The following HSD17B2 variants were observed in gnomAD, a reference collection of about 807,000 sequenced individuals.
The protein encoded by HSD17B2 is 17-beta-hydroxysteroid dehydrogenase type 2.
In HSD17B2, 32 loss-of-function variants were observed where a neutral mutation model predicts 26.9. The observed-to-expected ratio is 1.19, with a 90% CI of 0.90 to 1.60. The LOEUF is 1.60. Ranked by LOEUF, HSD17B2 falls within the 40% of genes most tolerant of loss-of-function variation. The pLI, the probability that HSD17B2 is intolerant of heterozygous loss-of-function variation, is 0.00. For synonymous variants in HSD17B2, 246 were observed against 186.7 expected (o/e 1.32, Z -2.59); for missense variants, 613 against 468.6 (o/e 1.31, Z -2.85).
chr16:82,091,173 G>C (rs1904683787), intron 4 of HSD17B2, 134 bp downstream of exon 4: 1 of 867,820 alleles, frequency 1.2e-6, no homozygotes, highest in African/African-American at 1.6e-5. Flanking sequence ...AGTTAAAGGG[G>C]TGAAAACAGG....
intron 2 of HSD17B2, among the ~76,000 whole-genome samples, chr16:82,069,931 C>G (rs8191160): frequency 2.6e-5 from 4 of 152,100 alleles, no homozygotes; most frequent in Non-Finnish European, 5.9e-5. Flanking sequence ...GTCTCTAGGA[C>G]GGGATCCCAG....
intron 1 of HSD17B2, among the ~76,000 whole-genome samples, chr16:82,044,870 C>T (rs576153617): frequency 8.3e-4 from 127 of 152,206 alleles, no homozygotes; most frequent in Non-Finnish European, 1.2e-3. Flanking sequence ...GTAATCTCAG[C>T]ACTTTGGGAG....
At chr16:82,056,940 A>G (rs1914286775) in intron 1 of HSD17B2, among the ~76,000 whole-genome samples, 1 of 152,174 alleles carries the variant, frequency 6.6e-6, no homozygotes, top group Non-Finnish European at 1.5e-5. Context: ...GTAAAATGGG[A>G]AAAAATGTGC....
rs1367342580 is a variant in HSD17B2 at position 82,098,468 on chromosome 16, C to G, written c.*32C>G. 2 of 1,548,772 alleles carry G rather than the reference C, an allele frequency of 1.3e-6. No individual in the cohort carries two copies. Among genetic ancestry groups the G allele is most frequent in the South Asian group, 1.3e-5 (1 of 79,588 alleles). ...GAAGCCCTCAAAGAAGTCGGAATGT[C>G]ATAGTCTTGAAATGAAAGGGAAACT... On this transcript the variant is annotated 3_prime_UTR_variant, in exon 5 of 5. Coordinates refer to ENST00000199936, the MANE Select transcript of HSD17B2 (RefSeq NM_002153.3).
intron 1 of HSD17B2, among the ~76,000 whole-genome samples, chr16:82,060,748 G>T (rs957379470): frequency 2.0e-5 from 3 of 152,152 alleles, no homozygotes; most frequent in Non-Finnish European, 4.4e-5. Flanking sequence ...TCCACCTTAA[G>T]CTGCTGGTAG....
intron 2 of HSD17B2, among the ~76,000 whole-genome samples, chr16:82,068,760 C>T (rs1914631844): frequency 6.6e-6 from 1 of 152,100 alleles, no homozygotes; most frequent in Admixed American, 6.6e-5. Flanking sequence ...ATTACCCTTC[C>T]TCTTCTCTTT....
At chr16:82,049,670 A>G (rs1300470518) in intron 1 of HSD17B2, among the ~76,000 whole-genome samples, 1 of 152,246 alleles carries the variant, frequency 6.6e-6, no homozygotes, top group African/African-American at 2.4e-5. Context: ...CCCATAAACA[A>G]GAGAGTCTTG....
intron 4 of HSD17B2, chr16:82,091,487 CATT>C (rs1437370786): frequency 2.5e-5 from 5 of 198,604 alleles, no homozygotes; most frequent in African/African-American, 9.5e-5. Context: ...AATGCTTCTG[CATT>C]GCAAGAGCTA....
intron 1 of HSD17B2, among the ~76,000 whole-genome samples, chr16:82,061,954 C>T (rs761801846): frequency 1.3e-5 from 2 of 152,158 alleles, no homozygotes; most frequent in African/African-American, 2.4e-5. Context: ...AGGGTGGATG[C>T]GTTTTATTCA....
chr16:82,048,110 G>C (rs556193382), intron 1 of HSD17B2, among the ~76,000 whole-genome samples: 39 of 152,318 alleles, frequency 2.6e-4, no homozygotes, highest in South Asian at 1.0e-3. Flanking sequence ...AACAGCCCAA[G>C]ATGGAAGATA....
chr16:82,038,765 G>T (rs936439275), intron 1 of HSD17B2, among the ~76,000 whole-genome samples: 1 of 152,126 alleles, frequency 6.6e-6, no homozygotes, highest in Non-Finnish European at 1.5e-5. Flanking sequence ...AGAGAAGATG[G>T]GCAGGGAAAA....
At chr16:82,044,928 G>C (rs1324607161) in intron 1 of HSD17B2, among the ~76,000 whole-genome samples, 1 of 152,008 alleles carries the variant, frequency 6.6e-6, no homozygotes, top group Non-Finnish European at 1.5e-5. Flanking sequence ...GACCAGCCTG[G>C]CCAACAGGGC....
intron 3 of HSD17B2, among the ~76,000 whole-genome samples, chr16:82,088,468 C>G (rs917916644): frequency 6.6e-6 from 1 of 152,146 alleles, no homozygotes; most frequent in African/African-American, 2.4e-5. Context: ...TAACAGGTGG[C>G]TAATCAATGG....
rs1913607506 is a variant in HSD17B2 at position 82,035,698 on chromosome 16, A to T, written c.265+9A>T. ...GGCAGTCCTGGTGACAGGTAAGCAGACGGTGCTACAATTTTCACTGAGGGT... is the reference window on the plus strand; with the variant it reads ...GGCAGTCCTGGTGACAGGTAAGCAGTCGGTGCTACAATTTTCACTGAGGGT... On this transcript the variant is annotated intron_variant, in intron 1 of 4. Coordinates refer to ENST00000199936, the MANE Select transcript of HSD17B2 (RefSeq NM_002153.3). 5 of 1,611,612 alleles carry T rather than the reference A, an allele frequency of 3.1e-6. No individual in the cohort carries two copies. The highest frequency in any genetic ancestry group is 3.3e-5 in the Admixed American group (2 of 59,934).
In HSD17B2 at chr16:82,076,217, G is replaced by A. The variant is rs139789497; in HGVS notation, c.664+5090G>A. ...AAAAACCCTCAATTAAAAAAAAACT[G>A]TGTATAGAAGGAACACATCTCAACG... On this transcript the variant is annotated intron_variant, in intron 3 of 4. Transcript: ENST00000199936. 1.8e-3 allele frequency among the ~76,000 whole-genome samples: 276 copies of A among 152,100 alleles called. 1 individual carries two copies. The highest frequency in any genetic ancestry group is 6.8e-3 in the Middle Eastern group (2 of 294).
intron 1 of HSD17B2, among the ~76,000 whole-genome samples, chr16:82,060,368 A>ATG (rs1032981678): frequency 1.3e-5 from 2 of 151,982 alleles, no homozygotes; most frequent in African/African-American, 4.8e-5. Context: ...GGTGATGGGA[A>ATG]TGTGTGTGTG....
intron 4 of HSD17B2, 28 bp downstream of exon 4, chr16:82,091,067 A>G (rs759043838): frequency 6.2e-7 from 1 of 1,612,474 alleles, no homozygotes; most frequent in African/African-American, 1.3e-5. Flanking sequence ...AGAACCTGTG[A>G]TGTTCATCCT....
chr16:82,053,323 A>G (rs4258604), intron 1 of HSD17B2, among the ~76,000 whole-genome samples: 6,661 of 152,290 alleles, frequency 0.044, 508 homozygotes, highest in African/African-American at 0.15. Flanking sequence ...TGGAAGAGGC[A>G]CACATCCCAA....
At chr16:82,078,511 G>T (rs200948559) in intron 3 of HSD17B2, among the ~76,000 whole-genome samples, 33 of 152,230 alleles carry the variant, frequency 2.2e-4, no homozygotes, top group Non-Finnish European at 2.9e-5. Flanking sequence ...CAATTCCACC[G>T]CTAGATATGT....
Sources: gnomAD v4.1 joint callset for allele counts (sites outside exome capture counted in the v4.1 genomes callset) on GRCh38, gnomAD v4.1.1 for gene constraint, MANE v1.5 for transcripts, NCBI Gene and HGNC (gene_info 2026-07-23, HGNC 2026-07-21) for gene names.